The following ANKRD24 variants were observed in gnomAD, a reference collection of about 807,000 sequenced individuals.
The protein encoded by ANKRD24 is ankyrin repeat domain 24, also known as ankyrin repeat domain-containing protein 24.
ANKRD24 carries 109 observed loss-of-function variants against 127.8 expected under a neutral mutation model. That is an observed-to-expected ratio of 0.85 (90% CI 0.73 to 1.00). The LOEUF is 1.00. Among genes scored for constraint, ANKRD24 ranks in the 50% least tolerant of loss-of-function variants. ANKRD24 has a pLI of 0.00. For missense variants in ANKRD24, 1,648 were observed against 1,570.2 expected, an observed-to-expected ratio of 1.05 and a Z score of -0.84; for synonymous variants, 743 against 671.1, an observed-to-expected ratio of 1.11 and a Z score of -1.66.
intron 10 of ANKRD24, among the ~76,000 whole-genome samples, chr19:4,208,213 G>A (rs1337367764): frequency 6.6e-6 from 1 of 151,944 alleles, no homozygotes; most frequent in Non-Finnish European, 1.5e-5. Context: ...TCCTAAGAAG[G>A]GCACCCCCTG....
rs1599448192 is a variant in ANKRD24, at chr19:4,212,706, C to T, written c.1197+8C>T. On this transcript the variant is annotated splice_region_variant and intron_variant, in intron 15 of 21. Transcript: ENST00000318934. Reference sequence around the variant, plus strand: ...CGGCTGTCCCTGCTGGAGGTAGGAGCAGTGATGAGTCAGGGCTGGGCTGGG... The same window carrying T: ...CGGCTGTCCCTGCTGGAGGTAGGAGTAGTGATGAGTCAGGGCTGGGCTGGG... 6.5e-7 allele frequency: 1 copy of T among 1,549,766 alleles called. No homozygotes were observed. The highest frequency in any genetic ancestry group is 8.7e-7 in the Non-Finnish European group (1 of 1,146,476).
At chr19:4,210,413 TG>T in intron 13 of ANKRD24, 41 bp downstream of exon 13, 1 of 1,483,400 alleles carries the variant, frequency 6.7e-7, no homozygotes, top group Non-Finnish European at 9.1e-7. Flanking sequence ...CCAGCCTGGG[TG>T]GGGTCAATGC....
chr19:4,224,350 G>A, intron 21 of ANKRD24, 78 bp from the exon 22 acceptor site: 1 of 1,522,094 alleles, frequency 6.6e-7, no homozygotes, highest in Non-Finnish European at 9.0e-7. Flanking sequence ...GGCTGGCTTG[G>A]TCTATGGGAG....
rs773694537 is a variant in ANKRD24, at chr19:4,200,164, C to A, written c.336C>A (p.Asp112Glu). The A allele has an allele frequency of 1.9e-6, 3 of 1,601,708 alleles. No individual in the cohort carries two copies. The highest frequency in any genetic ancestry group is 1.7e-5 in the Admixed American group (1 of 58,610). Residue 112 changes from aspartate to glutamate, a missense_variant, in exon 5 of 22, where the codon GAC becomes GAA. Transcript: ENST00000318934. The stretch of plus-strand genomic sequence containing the variant: ...ATGGCAGCAATGTCATGAGCGCGGA[C>A]GGGGCAGGTACTGCCAGCTGGGCCC... Reference protein sequence around the residue: ...IAHGSNVMSADGAGYNALHLA... With the variant: ...IAHGSNVMSAEGAGYNALHLA...
intron 5 of ANKRD24, 76 bp downstream of exon 5, chr19:4,200,247 G>A: frequency 7.0e-7 from 1 of 1,421,372 alleles, no homozygotes; most frequent in Non-Finnish European, 9.5e-7. Flanking sequence ...GCCAGACCCT[G>A]CTCCCAGGTC....
rs181048027 is a variant in ANKRD24 at position 4,216,880 on chromosome 19, G to T, written c.1720G>T (p.Ala574Ser). 100 of 1,611,720 alleles carry T rather than the reference G, an allele frequency of 6.2e-5. No homozygotes were observed. The African/African-American group carries it at 1.1e-3, about 17-fold the overall frequency. ...GGCTGCAGGAGATGAAACCATGGAA[G>T]CCAGGACTATGGAAGCTGAGGCCAC... Reference protein sequence around the residue: ...EEAAGDETMEARTMEAEATGA... With the variant: ...EEAAGDETMESRTMEAEATGA... The change falls in exon 18 of 22, where the codon GCC becomes TCC. Residue 574 changes from alanine (A) to serine (S), a missense_variant. By Grantham distance (99) the Ala-to-Ser change is moderately conservative (BLOSUM62 1). Coordinates refer to ENST00000318934, the MANE Select transcript of ANKRD24 (RefSeq NM_001393985.1).
intron 1 of ANKRD24, among the ~76,000 whole-genome samples, chr19:4,185,811 G>A (rs1968029501): frequency 6.6e-6 from 1 of 152,184 alleles, no homozygotes; most frequent in African/African-American, 2.4e-5. Context: ...GACAGAATCA[G>A]CCCAGACCCT....
At chr19:4,202,177 A>C in intron 6 of ANKRD24, 87 bp downstream of exon 6, 1 of 1,247,826 alleles carries the variant, frequency 8.0e-7, no homozygotes, top group Non-Finnish European at 1.2e-6. Context: ...ATGCTCTATG[A>C]ATCCTAGATA....
chr19:4,190,151 A>T (rs1017390960), intron 2 of ANKRD24, among the ~76,000 whole-genome samples: 1 of 152,122 alleles, frequency 6.6e-6, no homozygotes, highest in African/African-American at 2.4e-5. Flanking sequence ...AAATCCATGT[A>T]TAGGCTGGGC....
Position 4,198,465 on chromosome 19 carries a change from C to CA in ANKRD24, c.37-1218_37-1217insA. The CA allele has an allele frequency of 3.3e-6, 2 of 613,708 alleles. No individual in the cohort carries two copies. The highest frequency in any genetic ancestry group is 2.9e-6 in the Non-Finnish European group (1 of 341,516). 38.0% of individuals were successfully genotyped at this position (613,708 alleles called of 1,614,324 possible). On this transcript the variant is annotated intron_variant, in intron 2 of 21. Transcript: ENST00000318934. This position sits in a 1 kb window ranked among gnomAD's most constrained non-coding sequence, Gnocchi z 6.1. ...CGCCGCCTCCTCTTGGAACCCCGTG[C>CA]GCCCCCCGCGCCCCGCGCCCCGGAC...
Position 4,217,684 on chromosome 19 carries a change from G to A in ANKRD24, c.2524G>A (p.Ala842Thr). ...GGCCGAGCTGGCCCAGCGGGAGGAG[G>A]CGCGGCTGGAGCAGAGCCGGGAGCT... ...LRAELAQREE[A>T]RLEQSRELEV... is the part of the protein sequence containing the mutation. Residue 842 changes from alanine (A) to threonine (T), a missense_variant, in exon 18 of 22, where the codon GCG becomes ACG. Physicochemically the swap from Ala to Thr is moderately conservative, Grantham distance 58. Transcript: ENST00000318934. 1 of 1,286,990 alleles carries A rather than the reference G, an allele frequency of 7.8e-7. No homozygotes were observed. Among genetic ancestry groups the A allele is most frequent in the South Asian group, 2.3e-5 (1 of 43,002 alleles). 79.7% of individuals were successfully genotyped at this position (1,286,990 alleles called of 1,614,324 possible). A position where few individuals can be genotyped will look rare whatever the true frequency, so the allele number is the denominator to read the frequency against.
At chr19:4,202,774 G>A (rs1937954068) in intron 6 of ANKRD24, 95 bp from the exon 7 acceptor site, 8 of 1,332,722 alleles carry the variant, frequency 6.0e-6, no homozygotes, top group Non-Finnish European at 8.4e-6. Context: ...GGGTGAGGCT[G>A]AAGTATAGCA....
rs1260135066 is a variant in ANKRD24, at chr19:4,198,177, C to T, written c.37-1506C>T. 7.0e-6 allele frequency: 4 copies of T among 570,182 alleles called. No homozygotes were observed. The Admixed American group carries it at 9.7e-5, about 14-fold the overall frequency. 35.3% of individuals were successfully genotyped at this position (570,182 alleles called of 1,614,324 possible). ...GCCTGCGCTGGTGAGGGAGCCGGGC[C>T]CCCGGCGCCGCGTCCTCCTCATCCT... is the stretch of plus-strand genomic sequence containing the variant. On this transcript the variant is annotated intron_variant, in intron 2 of 21. Transcript: ENST00000318934. This position sits in a 1 kb window ranked among gnomAD's most constrained non-coding sequence, Gnocchi z 6.1.
chr19:4,222,676 G>C lies in ANKRD24; in HGVS notation c.3178G>C (p.Glu1060Gln). 1 of 1,606,478 alleles carries C rather than the reference G, an allele frequency of 6.2e-7. No individual in the cohort carries two copies. The highest frequency in any genetic ancestry group is 8.5e-7 in the Non-Finnish European group (1 of 1,174,460). Residue 1060 changes from glutamate to glutamine, a missense_variant, in exon 20 of 22, where the codon GAA (glutamate) becomes CAA (glutamine). Physicochemically the swap from Glu to Gln is conservative, Grantham distance 29 (BLOSUM62 2). Transcript: ENST00000318934. Reference sequence around the variant, plus strand: ...ACAGCACCTGCACCCTCAGATCACAGAACTCTCCAAAGAAGTCTTCAATCT... The same window carrying C: ...ACAGCACCTGCACCCTCAGATCACACAACTCTCCAAAGAAGTCTTCAATCT... ...KAKEKDKKIT[E>Q]LSKEVFNLKE...
chr19:4,217,515 A>C lies in ANKRD24; in HGVS notation c.2355A>C (p.Thr785=). ...GASGGGGGDT[T]QLRAALEQAR... ...GCGGGGGCGGTGGCGGTGACACCAC[A>C]CAGCTGCGGGCGGCCCTGGAGCAGG... is the stretch of plus-strand genomic sequence containing the variant. Residue 785 remains threonine (T), a synonymous_variant, in exon 18 of 22, where the codon ACA becomes ACC. Coordinates refer to ENST00000318934, the MANE Select transcript of ANKRD24 (RefSeq NM_001393985.1). 1 of 1,377,346 alleles carries C rather than the reference A, an allele frequency of 7.3e-7. No homozygotes were observed. The highest frequency in any genetic ancestry group is 9.3e-7 in the Non-Finnish European group (1 of 1,072,148). The allele number at this position is 1,377,346 out of a possible 1,614,324, so 85.3% of individuals were successfully genotyped here.
At position 4,198,512 on chromosome 19, in the gene ANKRD24, T is replaced by G; in HGVS notation, c.37-1171T>G. ...GGACGCCATGAAGCAGCTGTGTCTGTGCGCAGCCGCCTCCTTCGCGGTAGG... is the reference window on the plus strand; with the variant it reads ...GGACGCCATGAAGCAGCTGTGTCTGGGCGCAGCCGCCTCCTTCGCGGTAGG... On this transcript the variant is annotated intron_variant, in intron 2 of 21. Coordinates refer to ENST00000318934, the MANE Select transcript of ANKRD24 (RefSeq NM_001393985.1). The surrounding 1 kb of genome is among the most constrained non-coding windows in gnomAD (Gnocchi z 6.1). 1 of 614,214 alleles carries G rather than the reference T, an allele frequency of 1.6e-6. No individual in the cohort carries two copies. Among genetic ancestry groups the G allele is most frequent in the Admixed American group, 2.6e-5 (1 of 38,278 alleles). The allele number at this position is 614,214 out of a possible 1,614,324, so 38.0% of individuals were successfully genotyped here.
intron 10 of ANKRD24, among the ~76,000 whole-genome samples, chr19:4,208,269 C>T (rs924879648): frequency 1.3e-4 from 19 of 151,860 alleles, no homozygotes; most frequent in African/African-American, 3.4e-4. Context: ...TTTGGGAGGC[C>T]GAGGTGGGCG....
At position 4,198,383 on chromosome 19, in the gene ANKRD24, G is replaced by C. The variant is rs1968885478; in HGVS notation, c.37-1300G>C. 2.3e-6 allele frequency: 1 copy of C among 426,090 alleles called. No homozygotes were observed. The highest frequency in any genetic ancestry group is 4.4e-5 in the Admixed American group (1 of 22,616). The allele number at this position is 426,090 out of a possible 1,614,324, so 26.4% of individuals were successfully genotyped here. A position where few individuals can be genotyped will look rare whatever the true frequency, so the allele number is the denominator to read the frequency against. On this transcript the variant is annotated intron_variant, in intron 2 of 21. Coordinates refer to ENST00000318934, the MANE Select transcript of ANKRD24 (RefSeq NM_001393985.1). The surrounding 1 kb of genome is among the most constrained non-coding windows in gnomAD (Gnocchi z 6.1). The stretch of plus-strand genomic sequence containing the variant: ...GCGGGCGGGCGGGGCGGGGAGCTCC[G>C]GCAGCGCCCAGCCCCGCCCTCCGGC...
rs560936316 is a variant in ANKRD24 at position 4,222,966 on chromosome 19, G to A, written c.3297+171G>A. The stretch of plus-strand genomic sequence containing the variant: ...GAAATACTTCCTTTATTTTTTTTGA[G>A]ACAGGGTCTCACTCCATCGCCCAGG... On this transcript the variant is annotated intron_variant, in intron 20 of 21. Coordinates refer to ENST00000318934, the MANE Select transcript of ANKRD24 (RefSeq NM_001393985.1). Among the ~76,000 whole-genome samples the A allele has an allele frequency of 3.3e-5, 5 of 152,204 alleles. No homozygotes were observed. The South Asian group carries it at 1.0e-3, about 32-fold the overall frequency.
Sources: allele counts gnomAD v4.1 joint callset (sites outside exome capture counted in the v4.1 genomes callset), GRCh38; gene constraint gnomAD v4.1.1; non-coding constraint Gnocchi (gnomAD v3.1); transcripts MANE v1.5; gene names NCBI Gene and HGNC (gene_info 2026-07-23, HGNC 2026-07-21).